The following PTPN13 variants were observed in gnomAD, a reference collection of about 807,000 sequenced individuals.
PTPN13 encodes tyrosine-protein phosphatase non-receptor type 13.
PTPN13 carries 191 observed loss-of-function variants against 284.0 expected under a neutral mutation model. That is an observed-to-expected ratio of 0.67 (90% CI 0.60 to 0.76). The LOEUF is 0.76. Among genes scored for constraint, PTPN13 ranks in the 30% least tolerant of loss-of-function variants. The pLI is 0.00. For missense variants in PTPN13, 2,797 were observed against 2,939.9 expected (o/e 0.95, Z 1.12); for synonymous variants, 986 against 1,022.3 (o/e 0.96, Z 0.68).
At chr4:86,638,492 T>C (rs1290988811) in intron 2 of PTPN13, among the ~76,000 whole-genome samples, 1 of 152,116 alleles carries the variant, frequency 6.6e-6, no homozygotes, top group African/African-American at 2.4e-5. Context: ...TATAGATGAA[T>C]GGAACTGAAC....
chr4:86,652,970 A>G (rs1247856794), intron 2 of PTPN13, among the ~76,000 whole-genome samples: 1 of 151,046 alleles, frequency 6.6e-6, no homozygotes, highest in Non-Finnish European at 1.5e-5. Flanking sequence ...GTGTATTTCC[A>G]TATAGCCTGT....
At chr4:86,628,787 A>C (rs1722129844) in intron 1 of PTPN13, among the ~76,000 whole-genome samples, 2 of 147,964 alleles carry the variant, frequency 1.4e-5, no homozygotes, top group African/African-American at 5.0e-5. Flanking sequence ...TTTACTGAGA[A>C]TGATGGTTTC....
intron 2 of PTPN13, among the ~76,000 whole-genome samples, chr4:86,650,317 G>A (rs1045961096): frequency 4.0e-5 from 6 of 150,930 alleles, no homozygotes; most frequent in African/African-American, 1.2e-4. Flanking sequence ...TTGTGTTTTC[G>A]TTTTTTCGTT....
chr4:86,672,484 T>G lies in PTPN13; in HGVS notation c.235T>G (p.Phe79Val). The change falls in exon 3 of 48, where the codon TTC (phenylalanine) becomes GTC (valine). Residue 79 changes from phenylalanine to valine, a missense_variant. Transcript: ENST00000411767. Reference sequence around the variant, plus strand: ...TATTTCCAATCAGGATCTTCGAGCATTCACTGCACCAGAGGTTCTTCAAAA... The same window carrying G: ...TATTTCCAATCAGGATCTTCGAGCAGTCACTGCACCAGAGGTTCTTCAAAA... ...ENISNQDLRAFTAPEVLQNQS... is the reference protein window; with the variant it reads ...ENISNQDLRAVTAPEVLQNQS... The G allele has an allele frequency of 6.2e-7, 1 of 1,606,190 alleles. No individual in the cohort carries two copies. The highest frequency in any genetic ancestry group is 8.5e-7 in the Non-Finnish European group (1 of 1,175,952).
chr4:86,789,399 T>C (rs1305254838), intron 40 of PTPN13, among the ~76,000 whole-genome samples: 1 of 152,220 alleles, frequency 6.6e-6, no homozygotes, highest in Non-Finnish European at 1.5e-5. Context: ...ACTGGCTTTA[T>C]GGGCATTCAA....
intron 1 of PTPN13, among the ~76,000 whole-genome samples, chr4:86,626,653 T>C (rs1245492465): frequency 3.9e-5 from 6 of 152,122 alleles, no homozygotes; most frequent in African/African-American, 1.4e-4. Context: ...CTTTGCATTG[T>C]TGGTGGGGAT....
At chr4:86,613,407 G>A (rs1422223335) in intron 1 of PTPN13, among the ~76,000 whole-genome samples, 3 of 152,002 alleles carry the variant, frequency 2.0e-5, no homozygotes, top group East Asian at 1.9e-4. Context: ...AGGCCGAGGC[G>A]GGCAGATCAC....
In PTPN13 at chr4:86,750,487, A is replaced by T. The variant is rs1221168173; in HGVS notation, c.2668A>T (p.Ser890Cys). ...CCTTGTAGAGAGAGCTTCGTTTAGG[A>T]GCCTGAATCTCCAAGCAGAGTCTGT... The part of the protein sequence containing the change: ...AQDIERASFR[S>C]LNLQAESVRG... Residue 890 changes from serine (S) to cysteine (C), a missense_variant, in exon 18 of 48, where the codon AGC (serine) becomes TGC (cysteine). Coordinates refer to ENST00000411767, the MANE Select transcript of PTPN13 (RefSeq NM_080683.3). The T allele has an allele frequency of 4.3e-6, 7 of 1,612,818 alleles. No individual in the cohort carries two copies. Among genetic ancestry groups the T allele is most frequent in the Non-Finnish European group, 5.9e-6 (7 of 1,179,448 alleles).
At position 86,803,064 on chromosome 4, in the gene PTPN13, CTGTG is replaced by C. The variant is rs143647187; in HGVS notation, c.6506-609_6506-606del. On this transcript the variant is annotated intron_variant, in intron 42 of 47. Transcript: ENST00000411767. ...CTTCAGCCTGGGCTACAGAATAAGA[CTGTG>C]TGTGTGTGTGTGTGTGTGTGTGTGT... Among the ~76,000 whole-genome samples the C allele has an allele frequency of 7.0e-3, 953 of 136,134 alleles. 5 individuals are homozygous for C. The highest frequency in any genetic ancestry group is 0.017 in the South Asian group (70 of 4,050). 89.3% of individuals were successfully genotyped at this position (136,134 alleles called of 152,430 possible).
At chr4:86,628,441 TC>T (rs1722073910) in intron 1 of PTPN13, among the ~76,000 whole-genome samples, 1 of 152,064 alleles carries the variant, frequency 6.6e-6, no homozygotes, top group African/African-American at 2.4e-5. Flanking sequence ...TGGATATAAG[TC>T]CTTTATCAGT....
intron 42 of PTPN13, among the ~76,000 whole-genome samples, chr4:86,800,325 A>C (rs770730820): frequency 1.3e-5 from 2 of 151,582 alleles, no homozygotes; most frequent in Non-Finnish European, 2.9e-5. Context: ...CGGTTTTGTC[A>C]TTCAAAGCAA....
chr4:86,619,757 CTTTTTTCT>C (rs1346808963), intron 1 of PTPN13, among the ~76,000 whole-genome samples: 1 of 150,898 alleles, frequency 6.6e-6, no homozygotes, highest in Admixed American at 6.6e-5. Context: ...CTTTCTTTTT[CTTTTTTCT>C]TTTTTTTTTT....
chr4:86,668,854 ACC>A (rs1005557391), intron 2 of PTPN13, among the ~76,000 whole-genome samples: 2 of 136,724 alleles, frequency 1.5e-5, no homozygotes, highest in Non-Finnish European at 3.1e-5. Context: ...TGATCTGCCC[ACC>A]TCAGCCTCCC....
intron 32 of PTPN13, 123 bp downstream of exon 32, chr4:86,773,081 G>T: frequency 1.5e-6 from 1 of 672,394 alleles, no homozygotes; most frequent in South Asian, 2.7e-5. Context: ...TCTAATAAAT[G>T]GATAACATAT....
intron 1 of PTPN13, among the ~76,000 whole-genome samples, chr4:86,597,313 C>A (rs1349766436): frequency 6.6e-6 from 1 of 152,170 alleles, no homozygotes; most frequent in Admixed American, 6.5e-5. Flanking sequence ...TCATGGCTCA[C>A]TGCTGCCTCA....
intron 12 of PTPN13, among the ~76,000 whole-genome samples, chr4:86,733,865 T>C (rs1391127406): frequency 1.3e-5 from 2 of 150,996 alleles, no homozygotes; most frequent in African/African-American, 4.8e-5. Context: ...TCAATAATAA[T>C]AAGTATACTA....
chr4:86,610,702 T>G (rs542659246), intron 1 of PTPN13, among the ~76,000 whole-genome samples: 7 of 152,346 alleles, frequency 4.6e-5, no homozygotes, highest in African/African-American at 1.7e-4. Flanking sequence ...ATTTACACTT[T>G]TGCAAATGTG....
intron 15 of PTPN13, among the ~76,000 whole-genome samples, chr4:86,740,647 G>A: frequency 6.6e-6 from 1 of 152,168 alleles, no homozygotes; most frequent in East Asian, 1.9e-4. Context: ...TTGGCTCCTT[G>A]TTACTTATGT....
chr4:86,802,119 T>A (rs1034450520), intron 42 of PTPN13, among the ~76,000 whole-genome samples: 9 of 151,698 alleles, frequency 5.9e-5, no homozygotes, highest in Non-Finnish European at 1.2e-4. Context: ...TTATAAAGGC[T>A]TTCTGTATAT....
Sources: allele counts gnomAD v4.1 joint callset (sites outside exome capture counted in the v4.1 genomes callset), GRCh38; gene constraint gnomAD v4.1.1; transcripts MANE v1.5; gene names NCBI Gene and HGNC (gene_info 2026-07-23, HGNC 2026-07-21).